Variants in ZFHX3 observed in about 807,000 individuals in gnomAD.
ZFHX3 encodes the protein zinc finger homeobox protein 3.
ZFHX3 carries 42 observed loss-of-function variants against 279.1 expected under a neutral mutation model. The ratio of observed to expected loss-of-function variants is 0.15; its 90% CI spans 0.12 to 0.19. The LOEUF is 0.19. ZFHX3 is among the 10% of genes least tolerant of loss of function. The pLI is 1.00. For missense variants in ZFHX3, 4,981 were observed against 4,754.0 expected (o/e 1.05, Z -1.40); for synonymous variants, 2,293 against 1,957.8 (o/e 1.17, Z -4.52).
At chr16:73,029,654 G>A (rs752220843) in intron 1 of ZFHX3, among the ~76,000 whole-genome samples, 8 of 152,132 alleles carry the variant, frequency 5.3e-5, no homozygotes, top group East Asian at 1.9e-4. Context: ...AGAGCTTATC[G>A]GACAAACGAT....
chr16:73,390,503 C>T (rs1337261747), intron 3 of ZFHX3, among the ~76,000 whole-genome samples: 1 of 152,094 alleles, frequency 6.6e-6, no homozygotes, highest in Non-Finnish European at 1.5e-5. Context: ...AGCGGGGATT[C>T]CACCGGAAAT....
At chr16:73,402,897 TAA>T (rs67673404) in intron 3 of ZFHX3, among the ~76,000 whole-genome samples, 8 of 141,998 alleles carry the variant, frequency 5.6e-5, no homozygotes, top group African/African-American at 1.8e-4. Context: ...ATATGGAAAA[TAA>T]AAAAAAAAAC....
At chr16:73,453,848 T>A (rs2018324189) in intron 3 of ZFHX3, among the ~76,000 whole-genome samples, 1 of 152,196 alleles carries the variant, frequency 6.6e-6, no homozygotes, top group Admixed American at 6.5e-5. Flanking sequence ...CCATCAGGTC[T>A]TGTGAGACTT....
rs138480028 is a variant in ZFHX3 at position 72,830,218 on chromosome 16, A to G, written c.3449-359T>C. ...CCCTGAAGTTGCATGCAAGTCTTTT[A>G]CACTTGAAAATGCAAAACATGGCCA... On this transcript the variant is annotated intron_variant, in intron 4 of 9. Coordinates refer to ENST00000268489, the MANE Select transcript of ZFHX3 (RefSeq NM_006885.4). Among the ~76,000 whole-genome samples the G allele has an allele frequency of 2.2e-3, 329 of 152,362 alleles. 5 individuals carry two copies. Among genetic ancestry groups the G allele is most frequent in the Admixed American group, 9.5e-3 (146 of 15,306 alleles).
chr16:73,320,437 T>A (rs184463652), intron 3 of ZFHX3, among the ~76,000 whole-genome samples: 1 of 152,292 alleles, frequency 6.6e-6, no homozygotes, highest in Non-Finnish European at 1.5e-5. Flanking sequence ...TTATCGAACA[T>A]AAAAGTCCAT....
intron 4 of ZFHX3, among the ~76,000 whole-genome samples, chr16:73,274,935 C>G (rs1162971896): frequency 1.3e-5 from 2 of 152,156 alleles, no homozygotes; most frequent in African/African-American, 4.8e-5. Flanking sequence ...CTGTAGTTCC[C>G]TATAAAGCTA....
At chr16:72,956,152 C>T (rs184999537) in intron 2 of ZFHX3, among the ~76,000 whole-genome samples, 1 of 152,318 alleles carries the variant, frequency 6.6e-6, no homozygotes, top group Admixed American at 6.5e-5. Flanking sequence ...CAATGGAATG[C>T]TTTGAAATAT....
intron 1 of ZFHX3, among the ~76,000 whole-genome samples, chr16:73,695,851 C>T (rs1028177463): frequency 6.6e-6 from 1 of 152,094 alleles, no homozygotes; most frequent in Admixed American, 6.5e-5. Flanking sequence ...GCCTTCTCTC[C>T]CACTCACACC....
At position 72,957,423 on chromosome 16, in the gene ZFHX3, T is replaced by G; in HGVS notation, c.2719+4A>C. On this transcript the variant is annotated splice_donor_region_variant and intron_variant, in intron 2 of 9. Coordinates refer to ENST00000268489, the MANE Select transcript of ZFHX3 (RefSeq NM_006885.4). ...AAAACAGACAAACACGTAGTCATCC[T>G]CACCTAGAGCAGGCGTCATGGCGGC... is the stretch of plus-strand genomic sequence containing the variant. 6.3e-7 allele frequency: 1 copy of G among 1,598,238 alleles called. No individual in the cohort carries two copies. Among genetic ancestry groups the G allele is most frequent in the Non-Finnish European group, 8.5e-7 (1 of 1,171,530 alleles).
intron 4 of ZFHX3, among the ~76,000 whole-genome samples, chr16:72,860,218 G>C (rs1461653798): frequency 1.3e-5 from 2 of 152,028 alleles, no homozygotes; most frequent in Non-Finnish European, 2.9e-5. Flanking sequence ...CCCTCCAGCT[G>C]GTCCCCCTGC....
intron 3 of ZFHX3, among the ~76,000 whole-genome samples, chr16:73,405,939 C>T (rs1597322024): frequency 6.6e-6 from 1 of 152,328 alleles, no homozygotes; most frequent in East Asian, 1.9e-4. Flanking sequence ...TTCTTGGCCC[C>T]AGGGAAGGTT....
intron 7 of ZFHX3, chr16:72,807,799 A>G (rs1329088803): frequency 6.6e-6 from 1 of 152,156 alleles, no homozygotes; most frequent in Non-Finnish European, 1.5e-5. Context: ...GGATTTTGCA[A>G]GCTTTTCCTA....
At position 73,642,487 on chromosome 16, in the gene ZFHX3, C is replaced by T. The variant is rs1264284688; in HGVS notation, c.-1547+37693G>A. The stretch of plus-strand genomic sequence containing the variant: ...GTCCACAATCAATGGATACATTCCT[C>T]AATACATAAAGCAATTTGATCACGC... On this transcript the variant is annotated intron_variant, in intron 2 of 17. Transcript: ENST00000641206. Among the ~76,000 whole-genome samples the T allele has an allele frequency of 5.9e-5, 9 of 152,154 alleles. No homozygotes were observed. In the East Asian group the frequency reaches 1.5e-3, roughly 26 times the overall value.
intron 1 of ZFHX3, among the ~76,000 whole-genome samples, chr16:73,782,423 T>C (rs744350): frequency 0.38 from 58,188 of 152,102 alleles, 11,969 homozygotes; most frequent in African/African-American, 0.54. Flanking sequence ...CCATTATCCC[T>C]GGAAGCCTAC....
rs145287664 is a variant in ZFHX3 at position 72,873,227 on chromosome 16, A to T, written c.3448+16504T>A. 3.7e-3 allele frequency among the ~76,000 whole-genome samples: 568 copies of T among 152,334 alleles called. 1 individual carries two copies. The highest frequency in any genetic ancestry group is 5.4e-3 in the Non-Finnish European group (364 of 68,030). On this transcript the variant is annotated intron_variant, in intron 4 of 9. Transcript: ENST00000268489. ...CTTTTTATATTCCCTCACAGCAACC[A>T]GTATTTACAACTAACAGATGTTTAA... is the stretch of plus-strand genomic sequence containing the variant.
At chr16:73,147,494 C>T (rs896684122) in intron 5 of ZFHX3, among the ~76,000 whole-genome samples, 2 of 151,236 alleles carry the variant, frequency 1.3e-5, no homozygotes, top group African/African-American at 4.9e-5. Context: ...AGATCGAGAC[C>T]ATCCTGGCTA....
chr16:73,277,613 C>T (rs114141924), intron 4 of ZFHX3, among the ~76,000 whole-genome samples: 332 of 152,282 alleles, frequency 2.2e-3, no homozygotes, highest in African/African-American at 3.7e-3. Context: ...CACCAATGTA[C>T]CTAATAAAGC....
chr16:73,210,314 G>T (rs1055713652), intron 5 of ZFHX3, among the ~76,000 whole-genome samples: 1 of 152,116 alleles, frequency 6.6e-6, no homozygotes, highest in African/African-American at 2.4e-5. Context: ...AACGGCAAGG[G>T]ATAAGGGCAA....
chr16:73,019,351 T>A (rs1339772113), intron 1 of ZFHX3, among the ~76,000 whole-genome samples: 1 of 151,842 alleles, frequency 6.6e-6, no homozygotes, highest in Admixed American at 6.6e-5. Context: ...TGCGTGTGTG[T>A]GTGTGTGTGT....
Sources: gnomAD v4.1 joint callset for allele counts (sites outside exome capture counted in the v4.1 genomes callset) on GRCh38, gnomAD v4.1.1 for gene constraint, MANE v1.5 for transcripts, NCBI Gene and HGNC (gene_info 2026-07-23, HGNC 2026-07-21) for gene names.